PLAA: variants seen among roughly 807,000 people sequenced by gnomAD.
PLAA encodes phospholipase A-2-activating protein.
In PLAA, 48 loss-of-function variants were observed where a neutral mutation model predicts 84.1. The ratio of observed to expected loss-of-function variants is 0.57; its 90% CI spans 0.45 to 0.73. The LOEUF (loss-of-function observed/expected upper bound fraction) is 0.73, where lower values mean the gene tolerates loss of function less well. Among genes scored for constraint, PLAA ranks in the 30% least tolerant of loss-of-function variants. The pLI is 0.00. For missense variants in PLAA, 903 were observed against 954.7 expected, an observed-to-expected ratio of 0.95 and a Z score of 0.71; for synonymous variants, 392 against 336.6, an observed-to-expected ratio of 1.16 and a Z score of -1.80.
chr9:26,921,956 T>C (rs1407704880), intron 7 of PLAA, among the ~76,000 whole-genome samples: 3 of 152,214 alleles, frequency 2.0e-5, no homozygotes, highest in Admixed American at 6.5e-5. Context: ...ACATATATTA[T>C]CAGTTATTTT....
chr9:26,905,691 T>C lies in PLAA; in HGVS notation c.2208A>G (p.Val736=), dbSNP rs908419939. 2 of 1,614,222 alleles carry C rather than the reference T, an allele frequency of 1.2e-6. No homozygotes were observed. Among genetic ancestry groups the C allele is most frequent in the Non-Finnish European group, 1.7e-6 (2 of 1,179,996 alleles). ...LSLISTILEV[V]QDLEATFRLL... ...GTCTAAAAGTGGCTTCTAGGTCTTG[T>C]ACTACTTCCAAGATTGTGCTAATTA... The change falls in exon 14 of 14, where the codon GTA becomes GTG. Residue 736 remains valine (V), a synonymous_variant. Coordinates refer to ENST00000397292, the MANE Select transcript of PLAA (RefSeq NM_001031689.3).
chr9:26,910,436 T>C lies in PLAA; in HGVS notation c.1559A>G (p.Asn520Ser), dbSNP rs150830660. The C allele has an allele frequency of 8.6e-5, 138 of 1,606,978 alleles. No individual in the cohort carries two copies. Among genetic ancestry groups the C allele is most frequent in the South Asian group, 3.9e-4 (35 of 90,906 alleles). ...AGATGCAGCTGATCGGTAGGCACTA[T>C]TCCCTATTTAAAGAATAGAAGATGA... ...TMAGVDPFTG[N>S]SAYRSAASKT... The change falls in exon 12 of 14, where the codon AAT becomes AGT. Residue 520 changes from asparagine to serine, a missense_variant. By Grantham distance (46) the Asn-to-Ser change is conservative (BLOSUM62 1). Coordinates refer to ENST00000397292, the MANE Select transcript of PLAA (RefSeq NM_001031689.3).
At chr9:26,920,459 T>A in intron 7 of PLAA, 75 bp from the exon 8 acceptor site, 2 of 952,352 alleles carry the variant, frequency 2.1e-6, no homozygotes, top group Non-Finnish European at 3.1e-6. Flanking sequence ...AGAAAATTCT[T>A]AACATTAAAA....
At chr9:26,907,745 C>A in intron 13 of PLAA, 89 bp downstream of exon 13, 1 of 1,180,730 alleles carries the variant, frequency 8.5e-7, no homozygotes, top group East Asian at 2.4e-5. Flanking sequence ...AGTTAACTTT[C>A]ATTTAATCCA....
At chr9:26,933,257 ACT>A (rs1048558757) in intron 2 of PLAA, among the ~76,000 whole-genome samples, 13 of 147,106 alleles carry the variant, frequency 8.8e-5, no homozygotes, top group African/African-American at 3.3e-4. Flanking sequence ...AAAGAGCAAG[ACT>A]CTGTCTAAAA....
At chr9:26,920,598 G>A (rs898751794) in intron 7 of PLAA, among the ~76,000 whole-genome samples, 2 of 152,130 alleles carry the variant, frequency 1.3e-5, no homozygotes, top group Non-Finnish European at 2.9e-5. Flanking sequence ...TTAACAAAAC[G>A]TGATTCTACT....
At chr9:26,919,702 G>A (rs754714017) in intron 8 of PLAA, among the ~76,000 whole-genome samples, 173 bp from the exon 9 acceptor site, 2 of 152,156 alleles carry the variant, frequency 1.3e-5, no homozygotes, top group Non-Finnish European at 2.9e-5. Context: ...GCCCCCATCT[G>A]CATGTGATGC....
At chr9:26,936,635 T>C (rs1825366642) in intron 1 of PLAA, among the ~76,000 whole-genome samples, 1 of 152,242 alleles carries the variant, frequency 6.6e-6, no homozygotes. Context: ...GTCATGCATC[T>C]GTTCCCAGAG....
In PLAA at chr9:26,934,907, A is replaced by G. The variant is rs1004585534; in HGVS notation, c.343+106T>C. On this transcript the variant is annotated intron_variant, in intron 2 of 13. Coordinates refer to ENST00000397292, the MANE Select transcript of PLAA (RefSeq NM_001031689.3). ...GTTTCCATTACCAAACCACAGATATAGGTAAAACAAAATATAATAAAAACT... is the reference window on the plus strand; with the variant it reads ...GTTTCCATTACCAAACCACAGATATGGGTAAAACAAAATATAATAAAAACT... 1.2e-5 allele frequency: 10 copies of G among 823,634 alleles called. No homozygotes were observed. The African/African-American group carries it at 1.8e-4, about 15-fold the overall frequency. 51.0% of individuals were successfully genotyped at this position (823,634 alleles called of 1,614,324 possible).
At position 26,911,284 on chromosome 9, in the gene PLAA, T is replaced by C. The variant is rs566533723; in HGVS notation, c.1556-845A>G. On this transcript the variant is annotated intron_variant, in intron 11 of 13. Coordinates refer to ENST00000397292, the MANE Select transcript of PLAA (RefSeq NM_001031689.3). The stretch of plus-strand genomic sequence containing the variant: ...TCTCCTGCCTCAGCCTCCAGAATAG[T>C]TGGGATTACAGGCATGAGCTACCAC... Among the ~76,000 whole-genome samples the C allele has an allele frequency of 2.0e-4, 31 of 152,144 alleles. 1 individual carries two copies. Among genetic ancestry groups the C allele is most frequent in the East Asian group, 1.9e-4 (1 of 5,160 alleles).
chr9:26,934,925 T>C lies in PLAA; in HGVS notation c.343+88A>G, dbSNP rs963087427. ...CAGATATAGGTAAAACAAAATATAATAAAAACTTGAGAAAATGGATATGTA... is the reference window on the plus strand; with the variant it reads ...CAGATATAGGTAAAACAAAATATAACAAAAACTTGAGAAAATGGATATGTA... On this transcript the variant is annotated intron_variant, in intron 2 of 13. Transcript: ENST00000397292. The C allele has an allele frequency of 9.8e-6, 10 of 1,024,020 alleles. No individual in the cohort carries two copies. The African/African-American group carries it at 1.7e-4, about 17-fold the overall frequency. 63.4% of individuals were successfully genotyped at this position (1,024,020 alleles called of 1,614,324 possible).
chr9:26,923,206 A>G lies in PLAA; in HGVS notation c.1011T>C (p.Leu337=), dbSNP rs150847299. Reference sequence around the variant, plus strand: ...GTTCATTAAGATGTTCCCTCCCAGGAAGCTGCTCAGCATTGATGTCCCCTA... The same window carrying G: ...GTTCATTAAGATGTTCCCTCCCAGGGAGCTGCTCAGCATTGATGTCCCCTA... The part of the protein sequence containing the change: ...GDLGDINAEQ[L]PGREHLNEPG... Residue 337 remains leucine (L), a synonymous_variant, in exon 7 of 14, where the codon CTT becomes CTC. Coordinates refer to ENST00000397292, the MANE Select transcript of PLAA (RefSeq NM_001031689.3). The G allele has an allele frequency of 6.2e-7, 1 of 1,607,220 alleles. No homozygotes were observed. The highest frequency in any genetic ancestry group is 8.5e-7 in the Non-Finnish European group (1 of 1,175,658).
chr9:26,927,957 T>C, intron 4 of PLAA, 143 bp downstream of exon 4: 1 of 883,968 alleles, frequency 1.1e-6, no homozygotes. Flanking sequence ...TATTAACTCA[T>C]CAGAAAAATT....
rs879239062 is a variant in PLAA at position 26,904,306 on chromosome 9, G to A, written c.*1205C>T. On this transcript the variant is annotated 3_prime_UTR_variant, in exon 14 of 14. Transcript: ENST00000397292. ...TGAGAATGTTGCTATTTCTGGCAAC[G>A]TCTTTATGAAAAGATCTTTCCCACT... 1.3e-5 allele frequency: 2 copies of A among 152,142 alleles called. No homozygotes were observed. Among genetic ancestry groups the A allele is most frequent in the Non-Finnish European group, 2.9e-5 (2 of 67,984 alleles). The allele number at this position is 152,142 out of a possible 1,614,324, so 9.4% of individuals were successfully genotyped here. A position where few individuals can be genotyped will look rare whatever the true frequency, so the allele number is the denominator to read the frequency against.
At position 26,926,484 on chromosome 9, in the gene PLAA, A is replaced by G. The variant is rs764121528; in HGVS notation, c.642T>C (p.Ile214=). 4.3e-6 allele frequency: 7 copies of G among 1,612,922 alleles called. No individual in the cohort carries two copies. In the South Asian group the frequency reaches 6.6e-5, roughly 15 times the overall value. The change falls in exon 5 of 14, where the codon ATT becomes ATC. Residue 214 remains isoleucine (I), a synonymous_variant. Transcript: ENST00000397292. ...ACTCGCCAGTGATTTGCCACCTTCT[A>G]ATACTAGCATCATTTGCACAGGAAA... ...EFLSCANDAS[I]RRWQITGECL... is the part of the protein sequence containing the mutation.
At position 26,905,200 on chromosome 9, in the gene PLAA, T is replaced by A; in HGVS notation, c.*311A>T. 3.6e-6 allele frequency: 1 copy of A among 278,882 alleles called. No homozygotes were observed. The highest frequency in any genetic ancestry group is 4.8e-5 in the Admixed American group (1 of 20,750). 17.3% of individuals were successfully genotyped at this position (278,882 alleles called of 1,614,324 possible). ...CATTAAGTAATAAAAGCAAGTTATA[T>A]GAGTAACAGCCCTTGTCTTCTTAGT... On this transcript the variant is annotated 3_prime_UTR_variant, in exon 14 of 14. Coordinates refer to ENST00000397292, the MANE Select transcript of PLAA (RefSeq NM_001031689.3).
chr9:26,916,404 T>G (rs1357224031), intron 10 of PLAA: 1 of 986,880 alleles, frequency 1.0e-6, no homozygotes, highest in Non-Finnish European at 1.2e-6. Context: ...CTGGCACTTT[T>G]TCCAGTAGTG....
rs113586564 is a variant in PLAA, at chr9:26,924,964, G to A, written c.869+861C>T. ...CAGACCTCAGGAAGTCTAAGGCCAC[G>A]GTCATCACCTTCTGTACCCAACCAA... On this transcript the variant is annotated intron_variant, in intron 6 of 13. Coordinates refer to ENST00000397292, the MANE Select transcript of PLAA (RefSeq NM_001031689.3). Among the ~76,000 whole-genome samples the A allele has an allele frequency of 2.9e-3, 439 of 152,242 alleles. 4 individuals are homozygous for A. The highest frequency in any genetic ancestry group is 0.01 in the African/African-American group (417 of 41,520).
intron 1 of PLAA, among the ~76,000 whole-genome samples, chr9:26,938,008 C>G (rs901040111): frequency 6.6e-6 from 1 of 152,030 alleles, no homozygotes; most frequent in African/African-American, 2.4e-5. Flanking sequence ...GGAAACATCC[C>G]AAATTTGATG....
Sources: gnomAD v4.1 joint callset for allele counts (sites outside exome capture counted in the v4.1 genomes callset) on GRCh38, gnomAD v4.1.1 for gene constraint, MANE v1.5 for transcripts, NCBI Gene and HGNC (gene_info 2026-07-23, HGNC 2026-07-21) for gene names.